The following CACNA1H variants were observed in gnomAD, a reference collection of about 807,000 sequenced individuals.
CACNA1H encodes the protein voltage-dependent T-type calcium channel subunit alpha-1H.
In CACNA1H, 149 loss-of-function variants were observed where a neutral mutation model predicts 192.5. The ratio of observed to expected loss-of-function variants is 0.77; its 90% CI spans 0.68 to 0.89. The LOEUF (loss-of-function observed/expected upper bound fraction) is 0.89, where lower values mean the gene tolerates loss of function less well. Among genes scored for constraint, CACNA1H ranks in the 40% least tolerant of loss-of-function variants. The pLI, the probability that CACNA1H is intolerant of heterozygous loss-of-function variation, is 0.00. For missense variants in CACNA1H, 4,257 were observed against 3,423.5 expected (o/e 1.24, Z -6.08); for synonymous variants, 2,202 against 1,475.2 (o/e 1.49, Z -11.29).
intron 2 of CACNA1H, among the ~76,000 whole-genome samples, chr16:1,184,925 C>T (rs965223625): frequency 6.6e-6 from 1 of 152,122 alleles, no homozygotes; most frequent in Non-Finnish European, 1.5e-5. Flanking sequence ...ATGTGACGAC[C>T]AGCGGATTTT....
chr16:1,169,905 G>T (rs533524531), intron 2 of CACNA1H, among the ~76,000 whole-genome samples: 1 of 152,376 alleles, frequency 6.6e-6, no homozygotes, highest in South Asian at 2.1e-4. Context: ...GGGAAGCTCG[G>T]GTTTGGAGCT....
At chr16:1,185,286 C>T (rs908110308) in intron 2 of CACNA1H, among the ~76,000 whole-genome samples, 9 of 152,200 alleles carry the variant, frequency 5.9e-5, no homozygotes, top group Non-Finnish European at 1.0e-4. Flanking sequence ...CATCACAGGC[C>T]ATCGGGGTCA....
intron 2 of CACNA1H, among the ~76,000 whole-genome samples, chr16:1,190,778 GA>G (rs145463926): frequency 0.25 from 37,356 of 152,172 alleles, 5,671 homozygotes; most frequent in African/African-American, 0.43. Context: ...GGGGGAAGGG[GA>G]GGCAGAGGAT....
intron 2 of CACNA1H, among the ~76,000 whole-genome samples, chr16:1,192,315 G>A (rs980508073): frequency 4.6e-5 from 7 of 152,228 alleles, no homozygotes; most frequent in Admixed American, 6.5e-5. Flanking sequence ...TGTCTTTGAG[G>A]AGTTGCTAGG....
intron 2 of CACNA1H, among the ~76,000 whole-genome samples, chr16:1,156,600 G>C (rs543960296): frequency 7.0e-4 from 106 of 152,266 alleles, no homozygotes; most frequent in South Asian, 1.2e-3. Flanking sequence ...TGCTTCCTGG[G>C]CCTCAGCCTC....
intron 2 of CACNA1H, chr16:1,157,975 CCGTGGCGCCCTTGCCCGTGG>C (rs1276971789): frequency 1.3e-5 from 2 of 150,272 alleles, no homozygotes; most frequent in African/African-American, 5.0e-5. Context: ...CGTGCCTTGC[CCGTGGCGCCCTTGCCCGTGG>C]CACCCTTGCC....
At position 1,180,659 on chromosome 16, in the gene CACNA1H, AG is replaced by A. The variant is rs1167245394; in HGVS notation, c.300-14310del. ...TGGCCTTGGCTTTCCCGGGGCAGGT[AG>A]GGAGGGGCCTGGGCAGGGCGGGGCA... On this transcript the variant is annotated intron_variant, in intron 2 of 34. Transcript: ENST00000348261. The surrounding 1 kb of genome is among the most constrained non-coding windows in gnomAD (Gnocchi z 4.4). 8.5e-5 allele frequency among the ~76,000 whole-genome samples: 11 copies of A among 130,146 alleles called. No individual in the cohort carries two copies. The highest frequency in any genetic ancestry group is 2.5e-4 in the African/African-American group (9 of 35,420). The allele number at this position is 130,146 out of a possible 152,430, so 85.4% of individuals were successfully genotyped here. A position where few individuals can be genotyped will look rare whatever the true frequency, so the allele number is the denominator to read the frequency against.
rs1167623135 is a variant in CACNA1H at position 1,209,052 on chromosome 16, C to T, written c.3384C>T (p.Pro1128=). 1.3e-6 allele frequency: 2 copies of T among 1,531,824 alleles called. No homozygotes were observed. Among genetic ancestry groups the T allele is most frequent in the Non-Finnish European group, 1.7e-6 (2 of 1,145,478 alleles). The allele number at this position is 1,531,824 out of a possible 1,614,324, so 94.9% of individuals were successfully genotyped here. The change falls in exon 17 of 35, where the codon CCC becomes CCT. Residue 1128 remains proline, a synonymous_variant. Coordinates refer to ENST00000348261, the MANE Select transcript of CACNA1H (RefSeq NM_021098.3). ...QKPPASLRSS[P]CAPWGPSGAW... is the part of the protein sequence containing the mutation. ...CCCAGGCCAGCCTCCGAAGTTCTCC[C>T]TGTGCCCCCTGGGGCCCCAGTGGCG... is the stretch of plus-strand genomic sequence containing the variant.
intron 2 of CACNA1H, among the ~76,000 whole-genome samples, chr16:1,191,992 C>G (rs187474594): frequency 3.9e-5 from 6 of 152,260 alleles, no homozygotes; most frequent in African/African-American, 1.4e-4. Flanking sequence ...AGGCTTAGCT[C>G]GGGAGGCCGT....
chr16:1,161,457 C>T (rs7201050), intron 2 of CACNA1H, among the ~76,000 whole-genome samples: 3,427 of 152,270 alleles, frequency 0.023, 115 homozygotes, highest in African/African-American at 0.062. Flanking sequence ...GGTGGGGATA[C>T]CTTGAGGCCT....
Position 1,220,376 on chromosome 16 carries a change from C to A in CACNA1H, c.6444C>A (p.Gly2148=). 1 of 1,523,382 alleles carries A rather than the reference C, an allele frequency of 6.6e-7. No individual in the cohort carries two copies. The highest frequency in any genetic ancestry group is 8.7e-7 in the Non-Finnish European group (1 of 1,144,002). The allele number at this position is 1,523,382 out of a possible 1,614,324, so 94.4% of individuals were successfully genotyped here. The part of the protein sequence containing the change: ...VDAQGFLDKP[G]RADEQWRPSA... ...CTCAGGGCTTCCTGGACAAGCCGGGCCGGGCAGACGAGCAGTGGCGGCCCT... is the reference window on the plus strand; with the variant it reads ...CTCAGGGCTTCCTGGACAAGCCGGGACGGGCAGACGAGCAGTGGCGGCCCT... Residue 2148 remains glycine (G), a synonymous_variant, in exon 35 of 35, where the codon GGC becomes GGA. Transcript: ENST00000348261.
rs1332467439 is a variant in CACNA1H at position 1,180,581 on chromosome 16, G to A, written c.300-14391G>A. Among the ~76,000 whole-genome samples, 3 of 152,120 alleles carry A rather than the reference G, an allele frequency of 2.0e-5. No homozygotes were observed. The highest frequency in any genetic ancestry group is 7.2e-5 in the African/African-American group (3 of 41,442). On this transcript the variant is annotated intron_variant, in intron 2 of 34. Transcript: ENST00000348261. This position sits in a 1 kb window ranked among gnomAD's most constrained non-coding sequence, Gnocchi z 4.4. ...GCAGTCACAGCCAGGCCGTGGGGGGGCCAGGGAGGAGGGGCTGCTCTCCAT... is the reference window on the plus strand; with the variant it reads ...GCAGTCACAGCCAGGCCGTGGGGGGACCAGGGAGGAGGGGCTGCTCTCCAT...
intron 17 of CACNA1H, 90 bp downstream of exon 17, chr16:1,209,502 C>T (rs1264100297): frequency 1.0e-5 from 15 of 1,494,408 alleles, no homozygotes; most frequent in Admixed American, 5.4e-5. Context: ...GGATTCAGGG[C>T]GTGTTGTTGA....
chr16:1,211,032 C>T (rs1182501685), intron 21 of CACNA1H, 61 bp downstream of exon 21: 17 of 1,556,032 alleles, frequency 1.1e-5, no homozygotes, highest in South Asian at 3.5e-5. Flanking sequence ...GACGCCACTG[C>T]CCATTACTCC....
At position 1,208,033 on chromosome 16, in the gene CACNA1H, G is replaced by T. The variant is rs41292285; in HGVS notation, c.3175G>T (p.Ala1059Ser). The T allele has an allele frequency of 9.3e-3, 14,993 of 1,606,222 alleles. 101 individuals are homozygous for T. Among genetic ancestry groups the T allele is most frequent in the Middle Eastern group, 0.04 (238 of 5,946 alleles). Reference sequence around the variant, plus strand: ...CGCAGAGCTGAAGATGTGTTCCCTGGCCGTGACCCCCAACGGGCACCTGGA... The same window carrying T: ...CGCAGAGCTGAAGATGTGTTCCCTGTCCGTGACCCCCAACGGGCACCTGGA... ...QTTELKMCSL[A>S]VTPNGHLEGR... Residue 1059 changes from alanine to serine, a missense_variant, in exon 16 of 35, where the codon GCC becomes TCC. Ala to Ser is a moderately conservative substitution (Grantham distance 99, BLOSUM62 1). Coordinates refer to ENST00000348261, the MANE Select transcript of CACNA1H (RefSeq NM_021098.3).
chr16:1,179,805 G>A (rs1217189172), intron 2 of CACNA1H, among the ~76,000 whole-genome samples: 2 of 136,524 alleles, frequency 1.5e-5, no homozygotes, highest in South Asian at 2.4e-4. Context: ...CGTGATCTCC[G>A]CTCACTGCAA....
chr16:1,163,894 C>T (rs62012313), intron 2 of CACNA1H, among the ~76,000 whole-genome samples: 1 of 152,196 alleles, frequency 6.6e-6, no homozygotes, highest in African/African-American at 2.4e-5. Context: ...GCGGCCACCT[C>T]GAAGGCCAGG....
chr16:1,166,332 C>T (rs973118571), intron 2 of CACNA1H, among the ~76,000 whole-genome samples: 12 of 152,240 alleles, frequency 7.9e-5, no homozygotes, highest in African/African-American at 2.9e-4. Flanking sequence ...AGCTCCGTGG[C>T]TCCAGGCCAA....
Position 1,211,773 on chromosome 16 carries a change from G to A in CACNA1H, c.4534G>A (p.Asp1512Asn), listed in dbSNP as rs200709671. ...SKDGWVNIMY[D>N]GLDAVGVDQQ... ...GGATGGATGGGTGAACATCATGTAC[G>A]ACGGGCTGGATGCCGTGGGTGTCGA... The change falls in exon 24 of 35, where the codon GAC (aspartate) becomes AAC (asparagine). Residue 1512 changes from aspartate to asparagine, a missense_variant. Physicochemically the swap from Asp to Asn is conservative, Grantham distance 23. Transcript: ENST00000348261. 8.7e-5 allele frequency: 141 copies of A among 1,612,598 alleles called. No homozygotes were observed. Among genetic ancestry groups the A allele is most frequent in the South Asian group, 2.2e-4 (20 of 91,092 alleles).
Sources: allele counts gnomAD v4.1 joint callset (sites outside exome capture counted in the v4.1 genomes callset), GRCh38; gene constraint gnomAD v4.1.1; non-coding constraint Gnocchi (gnomAD v3.1); transcripts MANE v1.5; gene names NCBI Gene and HGNC (gene_info 2026-07-23, HGNC 2026-07-21).